FYN: variants seen among roughly 807,000 people sequenced by gnomAD.
FYN encodes tyrosine-protein kinase Fyn.
Under a neutral mutation model 70.2 loss-of-function variants are expected in FYN, and 10 were observed. That is an observed-to-expected ratio of 0.14 (90% CI 0.09 to 0.24). FYN has a LOEUF of 0.24. FYN is among the 10% of genes least tolerant of loss of function. FYN has a pLI of 1.00. For synonymous variants in FYN, 236 were observed against 248.6 expected, an observed-to-expected ratio of 0.95 and a Z score of 0.48; for missense variants, 319 against 673.1, an observed-to-expected ratio of 0.47 and a Z score of 5.82.
intron 13 of FYN, among the ~76,000 whole-genome samples, chr6:111,663,506 A>G (rs895845120): frequency 2.0e-5 from 3 of 152,216 alleles, no homozygotes; most frequent in African/African-American, 7.2e-5. Context: ...CTGGCTGTCA[A>G]CCACAGCCTG....
At chr6:111,674,777 G>T (rs576515269) in intron 12 of FYN, 147 bp from the exon 13 acceptor site, 5 of 822,486 alleles carry the variant, frequency 6.1e-6, no homozygotes, top group Non-Finnish European at 9.4e-6. Flanking sequence ...AATGGGCTGG[G>T]ATTGGGAAGA....
In FYN at chr6:111,694,380, C is replaced by G; in HGVS notation, c.1268G>C (p.Arg423Thr). The change falls in exon 12 of 14, where the codon AGA (arginine) becomes ACA (threonine). Residue 423 changes from arginine to threonine, a missense_variant. By Grantham distance (71) the Arg-to-Thr change is moderately conservative (BLOSUM62 -1). Around this residue, in one of 4 missense-constraint regions of FYN, gnomAD observed 64 missense variants for 223.0 expected, o/e 0.29. Transcript: ENST00000354650. This position sits in a 1 kb window ranked among gnomAD's most constrained non-coding sequence, Gnocchi z 5.0. Reference protein sequence around the residue: ...RLIEDNEYTARQGAKFPIKWT... With the variant: ...RLIEDNEYTATQGAKFPIKWT... ...ATTGTCATTCAAGTGCCCACCTTGT[C>G]TTGCTGTGTACTCATTGTCTTCTAT... 1 of 1,614,192 alleles carries G rather than the reference C, an allele frequency of 6.2e-7. No individual in the cohort carries two copies. Among genetic ancestry groups the G allele is most frequent in the Non-Finnish European group, 8.5e-7 (1 of 1,180,018 alleles).
chr6:111,711,087 C>A (rs1800356557), intron 5 of FYN, among the ~76,000 whole-genome samples: 1 of 152,182 alleles, frequency 6.6e-6, no homozygotes, highest in South Asian at 2.1e-4. Context: ...TACCCCCAAA[C>A]CCCAAAGTTG....
chr6:111,702,767 A>G, intron 8 of FYN, 118 bp downstream of exon 8: 1 of 993,216 alleles, frequency 1.0e-6, no homozygotes, highest in Non-Finnish European at 1.5e-6. Flanking sequence ...GGCAAAGAAA[A>G]CATACTCTAT....
At chr6:111,699,919 T>C (rs1219187169) in intron 9 of FYN, 185 bp downstream of exon 9, 1 of 474,284 alleles carries the variant, frequency 2.1e-6, no homozygotes, top group Non-Finnish European at 3.2e-6. Flanking sequence ...CTATCTTTTT[T>C]TTTTTTTTTT....
intron 2 of FYN, among the ~76,000 whole-genome samples, chr6:111,817,739 G>A (rs1323660717): frequency 6.6e-6 from 1 of 152,206 alleles, no homozygotes; most frequent in Non-Finnish European, 1.5e-5. Flanking sequence ...CTTAAATGCT[G>A]GATTGAGTTT....
chr6:111,830,010 C>T (rs1332664992), intron 2 of FYN, among the ~76,000 whole-genome samples: 4 of 152,126 alleles, frequency 2.6e-5, no homozygotes, highest in Admixed American at 6.6e-5. Flanking sequence ...TCCTGGTCCT[C>T]CACCCCCATA....
At chr6:111,684,681 T>C (rs529027053) in intron 12 of FYN, among the ~76,000 whole-genome samples, 1 of 152,140 alleles carries the variant, frequency 6.6e-6, no homozygotes, top group Non-Finnish European at 1.5e-5. Flanking sequence ...TCACCCTCCT[T>C]GCAACGGTGA....
chr6:111,671,680 G>A (rs1398779621), intron 13 of FYN, among the ~76,000 whole-genome samples: 5 of 152,276 alleles, frequency 3.3e-5, no homozygotes, highest in East Asian at 1.9e-4. Context: ...AAGACGCAAC[G>A]TGGGAAGCTG....
chr6:111,854,162 T>C (rs991167946), intron 1 of FYN, among the ~76,000 whole-genome samples: 3 of 152,248 alleles, frequency 2.0e-5, no homozygotes, highest in Non-Finnish European at 4.4e-5. Context: ...ACCTCCAGTT[T>C]GCACTTGCAG....
chr6:111,840,983 G>A (rs1378042650), intron 2 of FYN, among the ~76,000 whole-genome samples: 1 of 152,232 alleles, frequency 6.6e-6, no homozygotes, highest in African/African-American at 2.4e-5. Context: ...GTAGGTGAGA[G>A]CTCGTCTTGT....
chr6:111,718,669 C>A (rs971163263), intron 4 of FYN, among the ~76,000 whole-genome samples: 3 of 152,154 alleles, frequency 2.0e-5, no homozygotes, highest in Admixed American at 1.3e-4. Flanking sequence ...TGGCCTTAGA[C>A]TGCCTGTCTG....
At chr6:111,664,160 C>A (rs1245251089) in intron 13 of FYN, among the ~76,000 whole-genome samples, 1 of 152,202 alleles carries the variant, frequency 6.6e-6, no homozygotes, top group Non-Finnish European at 1.5e-5. Flanking sequence ...TGCCTTGCCG[C>A]ATCTTTTAGT....
chr6:111,797,133 G>A (rs928456998), intron 2 of FYN, among the ~76,000 whole-genome samples: 2 of 152,198 alleles, frequency 1.3e-5, no homozygotes, highest in African/African-American at 4.8e-5. Context: ...CTCAGTAGTG[G>A]AGGATAGATC....
intron 2 of FYN, among the ~76,000 whole-genome samples, chr6:111,832,819 T>G (rs1166549010): frequency 6.6e-6 from 1 of 152,166 alleles, no homozygotes; most frequent in Non-Finnish European, 1.5e-5. Context: ...AATTAAAAAC[T>G]CTGACAGAAA....
At position 111,785,649 on chromosome 6, in the gene FYN, G is replaced by A. The variant is rs76444371; in HGVS notation, c.-81-5014C>T. ...TTCTTATTAGTGGGTGGCAAAGACA[G>A]GAATTTTTTTTCTTTTTTTCTTTTT... On this transcript the variant is annotated intron_variant, in intron 2 of 13. Transcript: ENST00000354650. Among the ~76,000 whole-genome samples, 1,054 of 152,068 alleles carry A rather than the reference G, an allele frequency of 6.9e-3. 15 individuals are homozygous for A. The highest frequency in any genetic ancestry group is 0.024 in the African/African-American group (993 of 41,486).
intron 8 of FYN, among the ~76,000 whole-genome samples, chr6:111,701,265 C>T (rs770255795): frequency 1.7e-4 from 26 of 151,922 alleles, no homozygotes; most frequent in Non-Finnish European, 3.7e-4. Flanking sequence ...ATCAGTCAGG[C>T]GAAAAAAGGT....
intron 2 of FYN, among the ~76,000 whole-genome samples, chr6:111,810,340 T>C (rs1772284211): frequency 6.6e-6 from 1 of 152,104 alleles, no homozygotes; most frequent in South Asian, 2.1e-4. Flanking sequence ...TCACTGAGAG[T>C]ATCCCAGGGC....
At chr6:111,861,471 C>T (rs188428342) in intron 1 of FYN, among the ~76,000 whole-genome samples, 49 of 152,162 alleles carry the variant, frequency 3.2e-4, no homozygotes, top group African/African-American at 1.0e-3. Flanking sequence ...TAATAGACGG[C>T]GTATGGTTAA....
Sources: allele counts gnomAD v4.1 joint callset (sites outside exome capture counted in the v4.1 genomes callset), GRCh38; gene constraint gnomAD v4.1.1; regional missense constraint gnomAD v4.1.1; non-coding constraint Gnocchi (gnomAD v3.1); transcripts MANE v1.5; gene names NCBI Gene and HGNC (gene_info 2026-07-23, HGNC 2026-07-21).